CCDC62: variants seen among roughly 807,000 people sequenced by gnomAD.
CCDC62 encodes coiled-coil domain containing 62, also known as coiled-coil domain-containing protein 62.
In CCDC62, 72 loss-of-function variants were observed where a neutral mutation model predicts 80.8. That is an observed-to-expected ratio of 0.89 (90% CI 0.74 to 1.08). CCDC62 has a LOEUF of 1.08. Ranked by LOEUF, CCDC62 falls within the 50% of genes least tolerant of loss-of-function variation. The probability of loss-of-function intolerance (pLI) is 0.00; values close to 1 mark genes in which losing one functional copy is unlikely to be tolerated. For synonymous variants in CCDC62, 286 were observed against 296.5 expected, an observed-to-expected ratio of 0.96 and a Z score of 0.36; for missense variants, 704 against 809.4, an observed-to-expected ratio of 0.87 and a Z score of 1.58.
At chr12:122,800,396 C>T (rs2031226318) in intron 8 of CCDC62, among the ~76,000 whole-genome samples, 2 of 150,780 alleles carry the variant, frequency 1.3e-5, no homozygotes, top group South Asian at 2.1e-4. Flanking sequence ...GCCTAGGCAA[C>T]ATAGCAAGAC....
intron 4 of CCDC62, among the ~76,000 whole-genome samples, chr12:122,788,074 G>A (rs2030378604): frequency 6.6e-6 from 1 of 152,206 alleles, no homozygotes; most frequent in Non-Finnish European, 1.5e-5. Flanking sequence ...GTGCATTTAT[G>A]ATGCTGTAGC....
chr12:122,802,566 A>G (rs1023257897), intron 9 of CCDC62, among the ~76,000 whole-genome samples: 2 of 151,546 alleles, frequency 1.3e-5, no homozygotes, highest in Non-Finnish European at 2.9e-5. Flanking sequence ...GGCACACACC[A>G]CCATGCCCAG....
At chr12:122,782,170 A>G (rs1438391616) in intron 3 of CCDC62, among the ~76,000 whole-genome samples, 1 of 152,184 alleles carries the variant, frequency 6.6e-6, no homozygotes, top group Admixed American at 6.6e-5. Context: ...CCTCATCTCA[A>G]CAAAAAACAA....
chr12:122,784,201 C>A (rs1326484731), intron 3 of CCDC62, among the ~76,000 whole-genome samples: 1 of 152,122 alleles, frequency 6.6e-6, no homozygotes, highest in African/African-American at 2.4e-5. Context: ...TTTAAATTTC[C>A]TCCTAAAGAT....
At position 122,813,395 on chromosome 12, in the gene CCDC62, G is replaced by C. The variant is rs1358381726; in HGVS notation, c.1977G>C (p.Glu659Asp). The C allele has an allele frequency of 6.2e-7, 1 of 1,612,998 alleles. No individual in the cohort carries two copies. Among genetic ancestry groups the C allele is most frequent in the African/African-American group, 1.3e-5 (1 of 75,014 alleles). The change falls in exon 11 of 13, where the codon GAG becomes GAC. Residue 659 changes from glutamate (E) to aspartate (D), a missense_variant. Glu to Asp is a conservative substitution (Grantham distance 45). Coordinates refer to ENST00000253079, the MANE Select transcript of CCDC62 (RefSeq NM_201435.5). ...ELSTLLPISH[E>D]NLTGSATNKS... ...GCACACTGCTGCCCATCAGCCATGA[G>C]AATCTCACTGGCAGTGCCACAAATG...
chr12:122,805,737 C>T (rs2031565975), intron 9 of CCDC62, among the ~76,000 whole-genome samples: 1 of 151,956 alleles, frequency 6.6e-6, no homozygotes, highest in Non-Finnish European at 1.5e-5. Flanking sequence ...GTCTCGATTT[C>T]CTGACCTCCT....
chr12:122,785,124 AGAGT>A (rs766381406), intron 3 of CCDC62, among the ~76,000 whole-genome samples: 11 of 152,248 alleles, frequency 7.2e-5, no homozygotes, highest in Admixed American at 6.5e-5. Flanking sequence ...CCTGGGCGAC[AGAGT>A]GAGACTCAGT....
chr12:122,801,897 C>T (rs1178130013), intron 9 of CCDC62, 45 bp downstream of exon 9: 6 of 1,571,986 alleles, frequency 3.8e-6, no homozygotes, highest in South Asian at 1.2e-5. Context: ...GCATGCATGC[C>T]AGTATTTGGA....
intron 4 of CCDC62, among the ~76,000 whole-genome samples, chr12:122,787,700 G>A (rs982352247): frequency 6.6e-6 from 1 of 151,490 alleles, no homozygotes; most frequent in Non-Finnish European, 1.5e-5. Flanking sequence ...GTGGTAAGCC[G>A]AGATCACGCC....
intron 11 of CCDC62, among the ~76,000 whole-genome samples, chr12:122,816,556 C>A (rs1204178897): frequency 6.6e-6 from 1 of 152,124 alleles, no homozygotes; most frequent in Non-Finnish European, 1.5e-5. Context: ...AAAAACCCCA[C>A]CTCTACAAAA....
chr12:122,820,374 C>T (rs896101631), intron 11 of CCDC62, among the ~76,000 whole-genome samples: 12 of 152,092 alleles, frequency 7.9e-5, no homozygotes, highest in African/African-American at 2.4e-5. Flanking sequence ...GGGTGAGGAG[C>T]GGACCCTACC....
Position 122,797,378 on chromosome 12 carries a change from C to G in CCDC62, c.844C>G (p.Leu282Val), listed in dbSNP as rs1169963403. The G allele has an allele frequency of 6.3e-7, 1 of 1,581,080 alleles. No homozygotes were observed. The highest frequency in any genetic ancestry group is 8.7e-7 in the Non-Finnish European group (1 of 1,150,344). The change falls in exon 7 of 13, where the codon CTG becomes GTG. Residue 282 changes from leucine to valine, a missense_variant. Transcript: ENST00000253079. ...AAAGCAAGAACGCACAAATTCAGAA[C>G]TGCACAATCTGAGACAGGTATGTCC... The part of the protein sequence containing the change: ...KSKQERTNSE[L>V]HNLRQIYVKQ...
intron 3 of CCDC62, among the ~76,000 whole-genome samples, chr12:122,783,373 G>T (rs572847911): frequency 6.6e-6 from 1 of 151,196 alleles, no homozygotes; most frequent in East Asian, 2.0e-4. Context: ...GACTACAGGC[G>T]CCCGCCACCA....
At chr12:122,825,513 A>T (rs865809885) in intron 12 of CCDC62, among the ~76,000 whole-genome samples, 1 of 131,444 alleles carries the variant, frequency 7.6e-6, no homozygotes. Flanking sequence ...TGCCCGGCTA[A>T]TTTTTTTTTT....
chr12:122,803,304 G>A (rs2031408526), intron 9 of CCDC62, among the ~76,000 whole-genome samples: 2 of 152,098 alleles, frequency 1.3e-5, no homozygotes, highest in Admixed American at 1.3e-4. Context: ...TCAGGAAAGA[G>A]GATACTTGTA....
In CCDC62 at chr12:122,824,604, A is replaced by C. The variant is rs550531650; in HGVS notation, c.*40+1145A>C. Among the ~76,000 whole-genome samples the C allele has an allele frequency of 2.8e-4, 42 of 151,566 alleles. No homozygotes were observed. The South Asian group carries it at 4.2e-3, about 15-fold the overall frequency. On this transcript the variant is annotated intron_variant, in intron 12 of 12. Transcript: ENST00000253079. ...ACAACCCCTATGGAAAACAGTGTGG[A>C]GGTTATCCATAAAGAACTAAAAGTA...
intron 10 of CCDC62, among the ~76,000 whole-genome samples, chr12:122,808,462 A>T (rs985615032): frequency 1.3e-5 from 2 of 150,474 alleles, no homozygotes; most frequent in African/African-American, 4.9e-5. Flanking sequence ...GTATAGACAC[A>T]TTTTTTTTTC....
chr12:122,775,605 T>C (rs1879395795), intron 1 of CCDC62, among the ~76,000 whole-genome samples: 3 of 152,308 alleles, frequency 2.0e-5, no homozygotes, highest in Middle Eastern at 3.4e-3. Context: ...CTGTAATTTA[T>C]TCATCATTCT....
chr12:122,813,425 C>G lies in CCDC62; in HGVS notation c.2001+6C>G. 6.2e-7 allele frequency: 1 copy of G among 1,608,544 alleles called. No individual in the cohort carries two copies. Among genetic ancestry groups the G allele is most frequent in the Non-Finnish European group, 8.5e-7 (1 of 1,178,316 alleles). ...TCACTGGCAGTGCCACAAATGTATG[C>G]GTTTCATTTTCTCTTGACTATATTT... On this transcript the variant is annotated splice_donor_region_variant and intron_variant, in intron 11 of 12. Transcript: ENST00000253079.
Sources: gnomAD v4.1 joint callset for allele counts (sites outside exome capture counted in the v4.1 genomes callset) on GRCh38, gnomAD v4.1.1 for gene constraint, MANE v1.5 for transcripts, NCBI Gene and HGNC (gene_info 2026-07-23, HGNC 2026-07-21) for gene names.